Variants in RPGRIP1 observed in about 807,000 individuals in gnomAD.
RPGRIP1 encodes the protein RPGR interacting protein 1.
In RPGRIP1, 128 loss-of-function variants were observed where a neutral mutation model predicts 157.9. That is an observed-to-expected ratio of 0.81 (90% confidence interval 0.70 to 0.94). The LOEUF (loss-of-function observed/expected upper bound fraction) is 0.94, where lower values mean the gene tolerates loss of function less well. Ranked by LOEUF, RPGRIP1 falls within the 40% of genes least tolerant of loss-of-function variation. The probability of loss-of-function intolerance (pLI) is 0.00; values close to 1 mark genes in which losing one functional copy is unlikely to be tolerated. For missense variants in RPGRIP1, 1,486 were observed against 1,545.8 expected (o/e 0.96, Z 0.65); for synonymous variants, 554 against 571.6 (o/e 0.97, Z 0.44).
At chr14:21,290,517 T>A (rs1205177657) in intron 2 of RPGRIP1, among the ~76,000 whole-genome samples, 2 of 151,882 alleles carry the variant, frequency 1.3e-5, no homozygotes, top group Non-Finnish European at 2.9e-5. Flanking sequence ...ATTCTAAAAA[T>A]AGAAAAAGTT....
chr14:21,296,781 C>G (rs1418598410), intron 3 of RPGRIP1, among the ~76,000 whole-genome samples: 1 of 151,534 alleles, frequency 6.6e-6, no homozygotes, highest in Admixed American at 6.6e-5. Context: ...ATGATGAAAC[C>G]CTGTCTCTAC....
rs567668377 is a variant in RPGRIP1, at chr14:21,306,648, G to A, written c.801-1083G>A. Among the ~76,000 whole-genome samples the A allele has an allele frequency of 3.0e-4, 45 of 151,218 alleles. 1 individual carries two copies. The South Asian group carries it at 8.2e-3, about 27-fold the overall frequency. ...TAATTTTTGTATTTTTAGTAGAGAC[G>A]GGGTTTCACCACGTTGGCCAGGATG... is the stretch of plus-strand genomic sequence containing the variant. On this transcript the variant is annotated intron_variant, in intron 6 of 24. Transcript: ENST00000400017.
chr14:21,306,693 G>A (rs1169636530), intron 6 of RPGRIP1, among the ~76,000 whole-genome samples: 1 of 151,452 alleles, frequency 6.6e-6, no homozygotes, highest in African/African-American at 2.4e-5. Context: ...TCTTGACCTC[G>A]TGATCCACCC....
chr14:21,347,899 A>AT (rs911610352), intron 23 of RPGRIP1, among the ~76,000 whole-genome samples: 8 of 151,496 alleles, frequency 5.3e-5, no homozygotes, highest in South Asian at 2.1e-4. Context: ...CTAATTTTTT[A>AT]TTTTTTTTGT....
chr14:21,321,102 A>T (rs78834795), intron 12 of RPGRIP1, among the ~76,000 whole-genome samples, 157 bp from the exon 13 acceptor site: 1 of 152,324 alleles, frequency 6.6e-6, no homozygotes, highest in Non-Finnish European at 1.5e-5. Flanking sequence ...GAACTAGGGG[A>T]AAGAGCACTT....
intron 3 of RPGRIP1, among the ~76,000 whole-genome samples, chr14:21,297,188 G>A (rs899388224): frequency 1.1e-4 from 17 of 151,868 alleles, no homozygotes; most frequent in Admixed American, 9.2e-4. Context: ...TCTGCCTCCC[G>A]GGTTCAAGTG....
intron 11 of RPGRIP1, among the ~76,000 whole-genome samples, chr14:21,319,119 A>G (rs188679685): frequency 6.6e-6 from 1 of 152,330 alleles, no homozygotes; most frequent in East Asian, 1.9e-4. Context: ...TAGAGGCAAG[A>G]ACCATGTTTA....
At chr14:21,286,624 A>G (rs948499111) in intron 1 of RPGRIP1, among the ~76,000 whole-genome samples, 1 of 151,560 alleles carries the variant, frequency 6.6e-6, no homozygotes, top group Non-Finnish European at 1.5e-5. Context: ...GTGAAACCCC[A>G]TCTCTACTAA....
At chr14:21,301,368 T>C in intron 4 of RPGRIP1, 131 bp downstream of exon 4, 1 of 970,818 alleles carries the variant, frequency 1.0e-6, no homozygotes, top group Non-Finnish European at 1.5e-6. Context: ...CCCTCCTTTC[T>C]GCCTCCCTAA....
intron 20 of RPGRIP1, among the ~76,000 whole-genome samples, chr14:21,333,931 T>TC (rs1486908841): frequency 7.0e-6 from 1 of 143,680 alleles, no homozygotes; most frequent in East Asian, 1.9e-4. Context: ...CACCTTTTTT[T>TC]TTTTTTTTTT....
intron 2 of RPGRIP1, among the ~76,000 whole-genome samples, chr14:21,290,845 AG>A (rs1472222273): frequency 6.7e-6 from 1 of 150,122 alleles, no homozygotes; most frequent in Non-Finnish European, 1.5e-5. Context: ...AAAGAAAGAA[AG>A]AAAAAGTTAG....
chr14:21,303,371 A>G lies in RPGRIP1; in HGVS notation c.628A>G (p.Ile210Val), dbSNP rs1881122388. Reference protein sequence around the residue: ...SNSIISFSSVISMAKPIGLCM... With the variant: ...SNSIISFSSVVSMAKPIGLCM... ...CAGCATAATTTCTTTCAGCAGTGTC[A>G]TAAGTATGGCTAAACCCATTGGTCT... Residue 210 changes from isoleucine (I) to valine (V), a missense_variant, in exon 6 of 25, where the codon ATA (isoleucine) becomes GTA (valine). By Grantham distance (29) the Ile-to-Val change is conservative. Coordinates refer to ENST00000400017, the MANE Select transcript of RPGRIP1 (RefSeq NM_020366.4). 9 of 1,613,666 alleles carry G rather than the reference A, an allele frequency of 5.6e-6. No homozygotes were observed. In the East Asian group the frequency reaches 1.6e-4, roughly 28 times the overall value.
At chr14:21,296,494 A>G (rs1880786069) in intron 3 of RPGRIP1, among the ~76,000 whole-genome samples, 1 of 151,312 alleles carries the variant, frequency 6.6e-6, no homozygotes, top group Non-Finnish European at 1.5e-5. Context: ...GATTACAGGC[A>G]TTAGCCAACA....
At chr14:21,311,375 A>G (rs887914948) in intron 8 of RPGRIP1, among the ~76,000 whole-genome samples, 3 of 152,128 alleles carry the variant, frequency 2.0e-5, no homozygotes, top group Non-Finnish European at 4.4e-5. Context: ...AACATGGAGA[A>G]ACCCTGTCTC....
intron 10 of RPGRIP1, 198 bp from the exon 11 acceptor site, chr14:21,317,498 G>T (rs1279665754): frequency 2.3e-6 from 3 of 1,331,956 alleles, no homozygotes; most frequent in Non-Finnish European, 3.0e-6. Flanking sequence ...AACAGAAATG[G>T]TACTGAGCAA....
chr14:21,331,365 A>G (rs1209179930), intron 20 of RPGRIP1, among the ~76,000 whole-genome samples: 2 of 151,984 alleles, frequency 1.3e-5, no homozygotes, highest in African/African-American at 4.8e-5. Flanking sequence ...TACTAAAAAT[A>G]CAAAAAATTA....
chr14:21,286,030 C>T lies in RPGRIP1; in HGVS notation c.-38-1909C>T, dbSNP rs181720031. Among the ~76,000 whole-genome samples, 146 of 152,116 alleles carry T rather than the reference C, an allele frequency of 9.6e-4. 3 individuals carry two copies. Among genetic ancestry groups the T allele is most frequent in the South Asian group, 1.2e-3 (6 of 4,824 alleles). On this transcript the variant is annotated intron_variant, in intron 1 of 24. Coordinates refer to ENST00000400017, the MANE Select transcript of RPGRIP1 (RefSeq NM_020366.4). ...TTTTTAGACAGTTTTGCTCTTGTTG[C>T]CCAGGCTGGAGTGCAATGGCACAAT...
chr14:21,303,620 C>T (rs550678157), intron 6 of RPGRIP1, 77 bp downstream of exon 6: 1 of 1,074,746 alleles, frequency 9.3e-7, no homozygotes. Flanking sequence ...ACCTTTCCTC[C>T]ATCTCAGAGG....
intron 1 of RPGRIP1, among the ~76,000 whole-genome samples, chr14:21,287,340 T>A (rs1880336605): frequency 6.6e-6 from 1 of 152,184 alleles, no homozygotes; most frequent in Non-Finnish European, 1.5e-5. Context: ...ATGAGGCAAC[T>A]CTATAGACAG....
Sources: gnomAD v4.1 joint callset for allele counts (sites outside exome capture counted in the v4.1 genomes callset) on GRCh38, gnomAD v4.1.1 for gene constraint, MANE v1.5 for transcripts, NCBI Gene and HGNC (gene_info 2026-07-23, HGNC 2026-07-21) for gene names.